Variants in SDK1 observed in about 807,000 individuals in gnomAD.
SDK1 encodes the protein sidekick cell adhesion molecule 1.
A neutral mutation model predicts 245.5 loss-of-function variants in SDK1; 157 were observed. That is an observed-to-expected ratio of 0.64 (90% CI 0.56 to 0.73). The LOEUF is 0.73. Ranked by LOEUF, SDK1 falls within the 30% of genes least tolerant of loss-of-function variation. SDK1 has a pLI of 0.00. For synonymous variants in SDK1, 1,647 were observed against 1,278.5 expected, an observed-to-expected ratio of 1.29 and a Z score of -6.15; for missense variants, 3,583 against 3,002.3, an observed-to-expected ratio of 1.19 and a Z score of -4.52.
In SDK1 at chr7:4,182,616, G is replaced by C. The variant is rs34194597; in HGVS notation, c.5098+4030G>C. 8.3e-3 allele frequency among the ~76,000 whole-genome samples: 1,262 copies of C among 152,298 alleles called. 18 individuals are homozygous for C. The highest frequency in any genetic ancestry group is 0.029 in the African/African-American group (1,216 of 41,546). On this transcript the variant is annotated intron_variant, in intron 35 of 44. Transcript: ENST00000404826. ...AGGCTAATCAGAAGCTCCTCATCCT[G>C]AGGGAGAGGAGGGAGAAGGAACCTA...
chr7:3,461,574 G>T (rs1312070490), intron 1 of SDK1, among the ~76,000 whole-genome samples: 1 of 152,132 alleles, frequency 6.6e-6, no homozygotes, highest in Admixed American at 6.6e-5. Flanking sequence ...ATCTGGATTA[G>T]AATCCTCCGG....
intron 44 of SDK1, among the ~76,000 whole-genome samples, chr7:4,248,157 C>T (rs1787017556): frequency 6.6e-6 from 1 of 152,098 alleles, no homozygotes; most frequent in Admixed American, 6.5e-5. Context: ...TATGCATGCA[C>T]ACATGAACAC....
intron 5 of SDK1, among the ~76,000 whole-genome samples, chr7:3,922,485 ACT>A (rs1334798353): frequency 6.6e-6 from 1 of 152,282 alleles, no homozygotes; most frequent in Middle Eastern, 3.4e-3. Flanking sequence ...ATGGAACAAA[ACT>A]CTCTGACTCC....
intron 19 of SDK1, among the ~76,000 whole-genome samples, chr7:4,064,083 C>T (rs1779717428): frequency 6.6e-6 from 1 of 152,058 alleles, no homozygotes; most frequent in South Asian, 2.1e-4. Flanking sequence ...ACAAATGGGA[C>T]TATATCAAAC....
intron 1 of SDK1, among the ~76,000 whole-genome samples, chr7:3,548,489 G>A (rs1005328715): frequency 8.5e-5 from 13 of 152,168 alleles, no homozygotes; most frequent in Admixed American, 2.6e-4. Context: ...ATTTTCTTTT[G>A]CTAACATTTG....
At chr7:3,668,690 C>T (rs1348546100) in intron 4 of SDK1, among the ~76,000 whole-genome samples, 1 of 152,206 alleles carries the variant, frequency 6.6e-6, no homozygotes, top group Non-Finnish European at 1.5e-5. Flanking sequence ...ACTCGGGAGG[C>T]TGAGGCAGGA....
At chr7:4,131,732 C>T (rs1331006637) in intron 27 of SDK1, among the ~76,000 whole-genome samples, 1 of 151,958 alleles carries the variant, frequency 6.6e-6, no homozygotes, top group Non-Finnish European at 1.5e-5. Context: ...GTTATTGGTG[C>T]CCCGAACCAC....
At chr7:3,462,232 TG>T (rs1315203685) in intron 1 of SDK1, among the ~76,000 whole-genome samples, 2 of 152,164 alleles carry the variant, frequency 1.3e-5, no homozygotes, top group African/African-American at 4.8e-5. Flanking sequence ...CTTCACCGCT[TG>T]CCGCTCTATC....
intron 4 of SDK1, among the ~76,000 whole-genome samples, chr7:3,753,273 C>T (rs1779826264): frequency 6.6e-6 from 1 of 152,130 alleles, no homozygotes; most frequent in Non-Finnish European, 1.5e-5. Flanking sequence ...TTGAATTTCC[C>T]TGGAATCTAT....
At chr7:3,971,604 T>G (rs770749596) in intron 12 of SDK1, 36 bp downstream of exon 12, 2 of 1,442,048 alleles carry the variant, frequency 1.4e-6, no homozygotes, top group East Asian at 4.6e-5. Flanking sequence ...TGGGGCTTGT[T>G]GATATTCTGT....
At chr7:3,649,456 T>C (rs1782941749) in intron 4 of SDK1, among the ~76,000 whole-genome samples, 1 of 151,884 alleles carries the variant, frequency 6.6e-6, no homozygotes, top group Non-Finnish European at 1.5e-5. Flanking sequence ...TTGTCTAATT[T>C]CTATTACTGC....
intron 20 of SDK1, 25 bp from the exon 21 acceptor site, chr7:4,076,973 C>G (rs1294544050): frequency 6.2e-7 from 1 of 1,605,674 alleles, no homozygotes. Flanking sequence ...GAGACCAACA[C>G]TGGTCTGGTC....
At chr7:3,674,426 G>A (rs938961639) in intron 4 of SDK1, among the ~76,000 whole-genome samples, 3 of 152,112 alleles carry the variant, frequency 2.0e-5, no homozygotes, top group Non-Finnish European at 4.4e-5. Flanking sequence ...TTCCTGTTGA[G>A]CAAGAAGAAG....
At position 3,386,203 on chromosome 7, in the gene SDK1, C is replaced by CTTGTGTTA. The variant is rs555826941; in HGVS notation, c.298+84320_298+84321insTGTGTTAT. Among the ~76,000 whole-genome samples the CTTGTGTTA allele has an allele frequency of 2.4e-4, 36 of 152,162 alleles. No homozygotes were observed. In the East Asian group the frequency reaches 3.9e-3, roughly 16 times the overall value. On this transcript the variant is annotated intron_variant, in intron 1 of 44. Coordinates refer to ENST00000404826, the MANE Select transcript of SDK1 (RefSeq NM_152744.4). ...TTAGCATCCAGCCAAATTATCATAACTGATTGTGTAGTGTAAGGTTAGTGA... is the reference window on the plus strand; with the variant it reads ...TTAGCATCCAGCCAAATTATCATAACTTGTGTTATGATTGTGTAGTGTAAGGTTAGTGA...
chr7:4,105,227 C>A (rs1164472664), intron 22 of SDK1, among the ~76,000 whole-genome samples: 1 of 152,234 alleles, frequency 6.6e-6, no homozygotes, highest in South Asian at 2.1e-4. Flanking sequence ...CGGTGATCCA[C>A]TTGCCTTGGT....
intron 17 of SDK1, among the ~76,000 whole-genome samples, chr7:4,024,955 G>C (rs1394966028): frequency 6.6e-6 from 1 of 151,792 alleles, no homozygotes; most frequent in Non-Finnish European, 1.5e-5. Flanking sequence ...GTAGAGGGTG[G>C]GTTTGCAGTG....
In SDK1 at chr7:4,230,539, G is replaced by A. The variant is rs1785693762; in HGVS notation, c.5828-2716G>A. ...ACATGGATGAATGGAAGGAAGGAAG[G>A]AAAAATGGATGGATGGATAGAAGGA... On this transcript the variant is annotated intron_variant, in intron 40 of 44. Coordinates refer to ENST00000404826, the MANE Select transcript of SDK1 (RefSeq NM_152744.4). Among the ~76,000 whole-genome samples the A allele has an allele frequency of 2.6e-5, 4 of 151,730 alleles. No homozygotes were observed. The South Asian group carries it at 8.3e-4, about 32-fold the overall frequency.
intron 5 of SDK1, among the ~76,000 whole-genome samples, chr7:3,865,408 A>T (rs550844184): frequency 1.3e-5 from 2 of 152,334 alleles, no homozygotes; most frequent in Admixed American, 6.5e-5. Context: ...ATGTTTTGAC[A>T]TGTGACACGC....
chr7:4,239,993 C>G (rs972058098), intron 42 of SDK1, among the ~76,000 whole-genome samples: 1 of 152,182 alleles, frequency 6.6e-6, no homozygotes, highest in Non-Finnish European at 1.5e-5. Flanking sequence ...TCCTTATTTG[C>G]TTCTATAATG....
Sources: allele counts gnomAD v4.1 joint callset (sites outside exome capture counted in the v4.1 genomes callset), GRCh38; gene constraint gnomAD v4.1.1; transcripts MANE v1.5; gene names NCBI Gene and HGNC (gene_info 2026-07-23, HGNC 2026-07-21).